The following CDH11 variants were observed in gnomAD, a reference collection of about 807,000 sequenced individuals.
CDH11 encodes cadherin-11.
CDH11 carries 11 observed loss-of-function variants against 67.8 expected under a neutral mutation model. The ratio of observed to expected loss-of-function variants is 0.16; its 90% CI spans 0.10 to 0.27. The LOEUF (loss-of-function observed/expected upper bound fraction) is 0.27. CDH11 is among the 10% of genes least tolerant of loss of function. The pLI, the probability that CDH11 is intolerant of heterozygous loss-of-function variation, is 1.00. For missense variants in CDH11, 847 were observed against 1,031.2 expected (o/e 0.82, Z 2.45); for synonymous variants, 419 against 400.0 (o/e 1.05, Z -0.57).
intron 2 of CDH11, among the ~76,000 whole-genome samples, chr16:65,044,830 C>T (rs2073927384): frequency 6.6e-6 from 1 of 152,092 alleles, no homozygotes; most frequent in South Asian, 2.1e-4. Context: ...AGAGGGACTG[C>T]AAGCTTCTGA....
rs192056931 is a variant in CDH11, at chr16:65,091,902, C to T, written c.-298+29978G>A. 2.6e-3 allele frequency among the ~76,000 whole-genome samples: 390 copies of T among 152,200 alleles called. 2 individuals carry two copies. The highest frequency in any genetic ancestry group is 8.6e-3 in the African/African-American group (359 of 41,534). On this transcript the variant is annotated intron_variant, in intron 1 of 12. Coordinates refer to ENST00000268603, the MANE Select transcript of CDH11 (RefSeq NM_001797.4). ...GCTCAATAAACATTCACTCAATTGG[C>T]TAGTGTATCTTTAAAATTATTTATC...
At chr16:65,114,021 AG>A (rs1260084214) in intron 1 of CDH11, among the ~76,000 whole-genome samples, 2 of 152,134 alleles carry the variant, frequency 1.3e-5, no homozygotes, top group African/African-American at 4.8e-5. Flanking sequence ...GAAAAAGTGA[AG>A]GGGGGTCAAA....
At position 64,988,205 on chromosome 16, in the gene CDH11, T is replaced by G. The variant is rs1028340617; in HGVS notation, c.951A>C (p.Glu317Asp). The G allele has an allele frequency of 6.2e-7, 1 of 1,613,414 alleles. No individual in the cohort carries two copies. The highest frequency in any genetic ancestry group is 8.5e-7 in the Non-Finnish European group (1 of 1,179,652). The change falls in exon 7 of 13, where the codon GAA becomes GAC. Residue 317 changes from glutamate (E) to aspartate (D), a missense_variant. Glu to Asp is a conservative substitution (Grantham distance 45). This residue lies in a region of CDH11 where 612 missense variants were observed against 678.7 expected (regional missense o/e 0.90). Coordinates refer to ENST00000268603, the MANE Select transcript of CDH11 (RefSeq NM_001797.4). ...IVDGDGMESF[E>D]ITTDYETQEG... The stretch of plus-strand genomic sequence containing the variant: ...CCTGTGTTTCATAGTCCGTTGTGAT[T>G]TCAAACGATTCCATACCATCTCCAT...
At chr16:64,954,646 T>G (rs2071455291) in intron 11 of CDH11, among the ~76,000 whole-genome samples, 1 of 152,048 alleles carries the variant, frequency 6.6e-6, no homozygotes, top group Admixed American at 6.6e-5. Flanking sequence ...GGTTTGGCAT[T>G]TAGGTGGTCT....
At chr16:65,046,324 C>G (rs1315366522) in intron 2 of CDH11, among the ~76,000 whole-genome samples, 1 of 152,164 alleles carries the variant, frequency 6.6e-6, no homozygotes, top group Non-Finnish European at 1.5e-5. Flanking sequence ...GGAGAGCATG[C>G]TCACCTGCCC....
At chr16:65,085,775 T>C (rs1029737997) in intron 1 of CDH11, among the ~76,000 whole-genome samples, 2 of 152,240 alleles carry the variant, frequency 1.3e-5, no homozygotes, top group Non-Finnish European at 2.9e-5. Context: ...ATAACATTCT[T>C]TGGGCATTTT....
intron 11 of CDH11, among the ~76,000 whole-genome samples, chr16:64,961,905 A>C (rs147096058): frequency 0.013 from 1,930 of 151,926 alleles, 41 homozygotes; most frequent in African/African-American, 0.044. Context: ...TCACACACAC[A>C]CCCCCCAAAA....
At chr16:65,056,503 T>C (rs2074146048) in intron 1 of CDH11, among the ~76,000 whole-genome samples, 1 of 152,238 alleles carries the variant, frequency 6.6e-6, no homozygotes, top group Non-Finnish European at 1.5e-5. Flanking sequence ...TAGGATGTCA[T>C]GTAACTCAGC....
At chr16:65,065,761 T>A (rs1157472860) in intron 1 of CDH11, among the ~76,000 whole-genome samples, 2 of 152,216 alleles carry the variant, frequency 1.3e-5, no homozygotes, top group African/African-American at 2.4e-5. Context: ...AAGCCCCTCT[T>A]TCACACAGCT....
At chr16:65,066,558 A>G (rs1245479064) in intron 1 of CDH11, among the ~76,000 whole-genome samples, 1 of 152,254 alleles carries the variant, frequency 6.6e-6, no homozygotes, top group African/African-American at 2.4e-5. Flanking sequence ...AAACGTTAAT[A>G]AAACAGAGAG....
chr16:65,021,331 A>G (rs934891051), intron 2 of CDH11, among the ~76,000 whole-genome samples: 1 of 152,218 alleles, frequency 6.6e-6, no homozygotes, highest in African/African-American at 2.4e-5. Flanking sequence ...TTCCATAAGG[A>G]AAATAGAGGT....
At chr16:64,977,391 T>C (rs1171546256) in intron 8 of CDH11, among the ~76,000 whole-genome samples, 1 of 152,130 alleles carries the variant, frequency 6.6e-6, no homozygotes, top group African/African-American at 2.4e-5. Flanking sequence ...AAATAATCAA[T>C]TGCAGATGTG....
chr16:65,027,481 G>C (rs2073557669), intron 2 of CDH11, among the ~76,000 whole-genome samples: 1 of 152,150 alleles, frequency 6.6e-6, no homozygotes, highest in Admixed American at 6.5e-5. Context: ...CCATTGGTTG[G>C]GCAGAAAGTA....
chr16:64,961,901 A>G (rs1004762382), intron 11 of CDH11, among the ~76,000 whole-genome samples: 1 of 152,136 alleles, frequency 6.6e-6, no homozygotes, highest in Non-Finnish European at 1.5e-5. Context: ...TCTCTCACAC[A>G]CACACCCCCC....
rs1048253307 is a variant in CDH11, at chr16:65,122,023, C to T, written c.-441G>A. On this transcript the variant is annotated 5_prime_UTR_variant, in exon 1 of 13. Coordinates refer to ENST00000268603, the MANE Select transcript of CDH11 (RefSeq NM_001797.4). ...AGCGGCCCCCGCGGCATCTGCTCCTCGGCCCGCGACGCTCCCCTCAGCTGG... is the reference window on the plus strand; with the variant it reads ...AGCGGCCCCCGCGGCATCTGCTCCTTGGCCCGCGACGCTCCCCTCAGCTGG... The T allele has an allele frequency of 2.9e-6, 2 of 694,928 alleles. No individual in the cohort carries two copies. Among genetic ancestry groups the T allele is most frequent in the Admixed American group, 2.0e-5 (1 of 49,470 alleles). 43.0% of individuals were successfully genotyped at this position (694,928 alleles called of 1,614,324 possible).
rs116468982 is a variant in CDH11 at position 65,082,463 on chromosome 16, C to T, written c.-297-28535G>A. 5.5e-3 allele frequency among the ~76,000 whole-genome samples: 844 copies of T among 152,254 alleles called. 11 individuals carry two copies. The highest frequency in any genetic ancestry group is 0.019 in the African/African-American group (783 of 41,550). ...CAGTAGCAGAAGTCAGACTGGGCAC[C>T]TGGTATTCCTCTTCCCTCAGAAGTC... On this transcript the variant is annotated intron_variant, in intron 1 of 12. Coordinates refer to ENST00000268603, the MANE Select transcript of CDH11 (RefSeq NM_001797.4).
At chr16:64,999,948 C>G (rs2072877668) in intron 3 of CDH11, among the ~76,000 whole-genome samples, 1 of 152,170 alleles carries the variant, frequency 6.6e-6, no homozygotes. Flanking sequence ...TTCCAGAAGA[C>G]CTGCTTTGCG....
At chr16:64,989,934 T>C (rs1413397536) in intron 6 of CDH11, among the ~76,000 whole-genome samples, 1 of 152,246 alleles carries the variant, frequency 6.6e-6, no homozygotes, top group Non-Finnish European at 1.5e-5. Flanking sequence ...TTATCAATAG[T>C]ATTTTGCTTT....
chr16:65,053,457 C>T (rs2074091591), intron 2 of CDH11, among the ~76,000 whole-genome samples: 1 of 152,116 alleles, frequency 6.6e-6, no homozygotes, highest in Admixed American at 6.5e-5. Flanking sequence ...AGACTTATTT[C>T]AAAAGAAAAG....
Sources: allele counts gnomAD v4.1 joint callset (sites outside exome capture counted in the v4.1 genomes callset), GRCh38; gene constraint gnomAD v4.1.1; regional missense constraint gnomAD v4.1.1; transcripts MANE v1.5; gene names NCBI Gene and HGNC (gene_info 2026-07-23, HGNC 2026-07-21).